Variants in SMYD3 observed in about 807,000 individuals in gnomAD.
SMYD3 encodes histone-lysine N-methyltransferase SMYD3.
SMYD3 carries 36 observed loss-of-function variants against 57.7 expected under a neutral mutation model. That is an observed-to-expected ratio of 0.62 (90% CI 0.48 to 0.82). The LOEUF is 0.82. Ranked by LOEUF, SMYD3 falls within the 40% of genes least tolerant of loss-of-function variation. SMYD3 has a pLI of 0.00. For synonymous variants in SMYD3, 211 were observed against 195.0 expected (o/e 1.08, Z -0.68); for missense variants, 515 against 538.8 (o/e 0.96, Z 0.44).
chr1:246,097,570 C>A (rs1239799075), intron 5 of SMYD3, among the ~76,000 whole-genome samples: 1 of 152,086 alleles, frequency 6.6e-6, no homozygotes, highest in Non-Finnish European at 1.5e-5. Context: ...CTCAGATAGA[C>A]CTGTCCAAAA....
intron 5 of SMYD3, among the ~76,000 whole-genome samples, chr1:245,979,410 G>C (rs2058540152): frequency 6.6e-6 from 1 of 152,150 alleles, no homozygotes; most frequent in Non-Finnish European, 1.5e-5. Flanking sequence ...GAATGAGTTA[G>C]GAAAAGATCA....
At chr1:245,917,747 C>A (rs917278334) in intron 7 of SMYD3, among the ~76,000 whole-genome samples, 12 of 152,202 alleles carry the variant, frequency 7.9e-5, no homozygotes, top group African/African-American at 2.9e-4. Flanking sequence ...GTAGAAATTA[C>A]TTCTTTGCTT....
In SMYD3 at chr1:246,276,433, G is replaced by GT. The variant is rs776712067; in HGVS notation, c.531+50767dup. ...ATGCCCATGTTTGAATACTAACTCTGTTTTTTCACTAGCTGTATTAACACT... is the reference window on the plus strand; with the variant it reads ...ATGCCCATGTTTGAATACTAACTCTGTTTTTTTCACTAGCTGTATTAACACT... On this transcript the variant is annotated intron_variant, in intron 5 of 11. Transcript: ENST00000490107. Among the ~76,000 whole-genome samples the GT allele has an allele frequency of 1.5e-5, 2 of 136,860 alleles. 1 individual carries two copies. The highest frequency in any genetic ancestry group is 3.1e-5 in the Non-Finnish European group (2 of 64,658). The allele number at this position is 136,860 out of a possible 152,430, so 89.8% of individuals were successfully genotyped here.
chr1:246,336,144 G>A (rs2065540435), intron 2 of SMYD3, among the ~76,000 whole-genome samples: 2 of 152,246 alleles, frequency 1.3e-5, no homozygotes, highest in South Asian at 2.1e-4. Context: ...CATGATCCTA[G>A]CCATGTGTTG....
chr1:246,390,682 A>G (rs1397849058), intron 1 of SMYD3, among the ~76,000 whole-genome samples: 4 of 152,246 alleles, frequency 2.6e-5, no homozygotes, highest in African/African-American at 9.6e-5. Flanking sequence ...GTATTATGAC[A>G]ACATATAATC....
At chr1:245,792,572 T>A (rs1364472391) in intron 10 of SMYD3, among the ~76,000 whole-genome samples, 1 of 152,246 alleles carries the variant, frequency 6.6e-6, no homozygotes, top group East Asian at 1.9e-4. Flanking sequence ...TCAGTTAGCA[T>A]GGAATTCTGA....
intron 1 of SMYD3, among the ~76,000 whole-genome samples, chr1:246,412,424 C>G (rs2066990943): frequency 1.3e-5 from 2 of 152,070 alleles, no homozygotes; most frequent in African/African-American, 4.8e-5. Context: ...TTTTCAATGC[C>G]TTCTATTTGT....
At chr1:246,141,581 T>C (rs1314141591) in intron 5 of SMYD3, among the ~76,000 whole-genome samples, 1 of 152,168 alleles carries the variant, frequency 6.6e-6, no homozygotes, top group Non-Finnish European at 1.5e-5. Context: ...CTATTAAACA[T>C]GTACAGTGTG....
At chr1:246,482,757 A>G (rs2068128314) in intron 1 of SMYD3, among the ~76,000 whole-genome samples, 1 of 152,234 alleles carries the variant, frequency 6.6e-6, no homozygotes, top group African/African-American at 2.4e-5. Flanking sequence ...AGATACGATA[A>G]AAAACACAAA....
intron 2 of SMYD3, among the ~76,000 whole-genome samples, chr1:246,347,471 G>A (rs2148691877): frequency 6.6e-6 from 1 of 152,282 alleles, no homozygotes; most frequent in Admixed American, 6.5e-5. Context: ...GTCTGTTTTA[G>A]GTGTTTATAG....
chr1:246,411,506 C>T (rs944052791), intron 1 of SMYD3, among the ~76,000 whole-genome samples: 3 of 152,130 alleles, frequency 2.0e-5, no homozygotes, highest in Non-Finnish European at 4.4e-5. Flanking sequence ...AATCATGCTG[C>T]TATAAAGACA....
chr1:246,329,039 C>T (rs1357421450), intron 4 of SMYD3, among the ~76,000 whole-genome samples: 2 of 152,130 alleles, frequency 1.3e-5, no homozygotes, highest in Admixed American at 1.3e-4. Flanking sequence ...TTTATGGATG[C>T]ATAGTATTCC....
intron 1 of SMYD3, among the ~76,000 whole-genome samples, chr1:246,497,282 A>G (rs1420570935): frequency 6.6e-6 from 1 of 152,250 alleles, no homozygotes; most frequent in Non-Finnish European, 1.5e-5. Flanking sequence ...TGTAAATTTC[A>G]TTAGTGAGTT....
intron 5 of SMYD3, among the ~76,000 whole-genome samples, chr1:246,163,883 T>C (rs1199592306): frequency 6.6e-6 from 1 of 152,146 alleles, no homozygotes; most frequent in Non-Finnish European, 1.5e-5. Context: ...TGTTAGAACC[T>C]TCCGCAGAGA....
intron 2 of SMYD3, among the ~76,000 whole-genome samples, chr1:246,343,644 C>T (rs1558412947): frequency 6.6e-6 from 1 of 152,192 alleles, no homozygotes; most frequent in African/African-American, 2.4e-5. Context: ...GCCAAAGAGT[C>T]TCAAAACACC....
At chr1:245,955,488 C>T (rs934301578) in intron 5 of SMYD3, among the ~76,000 whole-genome samples, 9 of 152,082 alleles carry the variant, frequency 5.9e-5, no homozygotes, top group East Asian at 3.8e-4. Flanking sequence ...TTCACTACTG[C>T]GATCGCTCAT....
At chr1:246,012,140 A>G (rs2059292961) in intron 5 of SMYD3, among the ~76,000 whole-genome samples, 1 of 152,214 alleles carries the variant, frequency 6.6e-6, no homozygotes, top group Non-Finnish European at 1.5e-5. Context: ...CACCATTAGC[A>G]TAAGGAAGAG....
chr1:245,986,691 C>T (rs2058711752), intron 5 of SMYD3, among the ~76,000 whole-genome samples: 1 of 152,180 alleles, frequency 6.6e-6, no homozygotes, highest in African/African-American at 2.4e-5. Flanking sequence ...CATGTCTCCA[C>T]TCTCGGTTGT....
intron 10 of SMYD3, among the ~76,000 whole-genome samples, chr1:245,812,425 A>G (rs1419791748): frequency 6.6e-6 from 1 of 152,156 alleles, no homozygotes; most frequent in Non-Finnish European, 1.5e-5. Flanking sequence ...TGATGGCCGC[A>G]CAAAGGAATG....
Sources: gnomAD v4.1 joint callset for allele counts (sites outside exome capture counted in the v4.1 genomes callset) on GRCh38, gnomAD v4.1.1 for gene constraint, MANE v1.5 for transcripts, NCBI Gene and HGNC (gene_info 2026-07-23, HGNC 2026-07-21) for gene names.